KCNQ5: variants seen among roughly 807,000 people sequenced by gnomAD.
The protein encoded by KCNQ5 is potassium voltage-gated channel subfamily KQT member 5.
KCNQ5 carries 30 observed loss-of-function variants against 98.2 expected under a neutral mutation model. That is an observed-to-expected ratio of 0.31 (90% CI 0.23 to 0.41). KCNQ5 has a LOEUF of 0.41. Among genes scored for constraint, KCNQ5 ranks in the 10% least tolerant of loss-of-function variants. KCNQ5 has a pLI of 1.00. For missense variants in KCNQ5, 835 were observed against 1,182.5 expected (o/e 0.71, Z 4.31); for synonymous variants, 458 against 449.4 (o/e 1.02, Z -0.24).
At chr6:72,679,704 C>T (rs550493086) in intron 1 of KCNQ5, among the ~76,000 whole-genome samples, 10 of 151,136 alleles carry the variant, frequency 6.6e-5, no homozygotes, top group African/African-American at 2.4e-4. Flanking sequence ...ACACATGCAC[C>T]CTAAAACTTA....
chr6:72,879,843 A>AT (rs769698419), intron 1 of KCNQ5, among the ~76,000 whole-genome samples: 3 of 151,118 alleles, frequency 2.0e-5, no homozygotes, highest in Non-Finnish European at 4.4e-5. Flanking sequence ...CCATTTTCCT[A>AT]TTTTCTTTGC....
intron 1 of KCNQ5, among the ~76,000 whole-genome samples, chr6:72,691,354 T>A (rs892676502): frequency 2.0e-5 from 3 of 152,224 alleles, no homozygotes; most frequent in Non-Finnish European, 2.9e-5. Flanking sequence ...ATAATTCAAA[T>A]GAAAGAGGGT....
At chr6:73,066,106 A>G (rs1411012415) in intron 3 of KCNQ5, among the ~76,000 whole-genome samples, 1 of 152,236 alleles carries the variant, frequency 6.6e-6, no homozygotes, top group African/African-American at 2.4e-5. Context: ...AGATCATGCC[A>G]TTGCACTCCA....
intron 1 of KCNQ5, chr6:72,987,784 A>C: frequency 2.4e-6 from 1 of 424,094 alleles, no homozygotes; most frequent in Non-Finnish European, 4.5e-6. Flanking sequence ...AACTGCCACA[A>C]TTGCTTTGAT....
chr6:73,055,174 C>G, intron 3 of KCNQ5: 1 of 853,890 alleles, frequency 1.2e-6, no homozygotes, highest in Non-Finnish European at 2.0e-6. Flanking sequence ...GCGGCTGGTA[C>G]GACGCCATCC....
At chr6:73,147,169 G>A (rs1490267514) in intron 10 of KCNQ5, among the ~76,000 whole-genome samples, 1 of 152,014 alleles carries the variant, frequency 6.6e-6, no homozygotes, top group African/African-American at 2.4e-5. Context: ...CTTTAGGGTG[G>A]TAGAAATGAT....
chr6:73,055,450 C>A (rs1166828497), intron 3 of KCNQ5: 3 of 1,545,652 alleles, frequency 1.9e-6, no homozygotes, highest in Non-Finnish European at 2.7e-6. Context: ...CCTATGATGT[C>A]CCACCACCTC....
At chr6:72,926,198 G>T (rs2150223573) in intron 1 of KCNQ5, among the ~76,000 whole-genome samples, 1 of 152,138 alleles carries the variant, frequency 6.6e-6, no homozygotes, top group African/African-American at 2.4e-5. Context: ...TACCAGAGAT[G>T]GTGATAAACT....
intron 1 of KCNQ5, among the ~76,000 whole-genome samples, chr6:72,932,214 C>T (rs897822566): frequency 2.0e-5 from 3 of 151,694 alleles, no homozygotes; most frequent in Admixed American, 1.3e-4. Context: ...ATAAATCTGT[C>T]GGGTGAGTGA....
At chr6:72,624,015 T>G (rs2098916868) in intron 1 of KCNQ5, among the ~76,000 whole-genome samples, 1 of 152,156 alleles carries the variant, frequency 6.6e-6, no homozygotes, top group South Asian at 2.1e-4. Flanking sequence ...TCTGGAAAAT[T>G]TTACAGTCCC....
At chr6:73,150,835 T>TGC (rs914883506) in intron 10 of KCNQ5, among the ~76,000 whole-genome samples, 9 of 150,934 alleles carry the variant, frequency 6.0e-5, no homozygotes, top group Admixed American at 6.6e-5. Context: ...TATATATATG[T>TGC]GTGTGTGTGT....
chr6:72,897,801 G>A (rs1220656751), intron 1 of KCNQ5, among the ~76,000 whole-genome samples: 2 of 152,084 alleles, frequency 1.3e-5, no homozygotes, highest in Non-Finnish European at 1.5e-5. Flanking sequence ...TGGGGATGGG[G>A]GCCAGTGGAA....
intron 9 of KCNQ5, among the ~76,000 whole-genome samples, chr6:73,125,703 A>C (rs1775953463): frequency 6.6e-6 from 1 of 152,220 alleles, no homozygotes; most frequent in African/African-American, 2.4e-5. Flanking sequence ...AAAGATAAAC[A>C]AATGAAAACA....
chr6:72,637,512 G>A (rs1452449658), intron 1 of KCNQ5, among the ~76,000 whole-genome samples: 7 of 152,084 alleles, frequency 4.6e-5, no homozygotes, highest in African/African-American at 1.7e-4. Flanking sequence ...TCAACTAAGA[G>A]TGGTACTTCC....
intron 11 of KCNQ5, among the ~76,000 whole-genome samples, chr6:73,181,386 T>C (rs1395636962): frequency 6.6e-6 from 1 of 152,236 alleles, no homozygotes; most frequent in Non-Finnish European, 1.5e-5. Context: ...CAGATGAGTA[T>C]GTAACTTATT....
chr6:73,136,824 T>C (rs1330644451), intron 10 of KCNQ5: 1 of 151,572 alleles, frequency 6.6e-6, no homozygotes, highest in African/African-American at 2.4e-5. Context: ...AGGTTTTAAG[T>C]ATTTCTAAAA....
At chr6:72,790,137 T>C (rs1218144170) in intron 1 of KCNQ5, among the ~76,000 whole-genome samples, 2 of 152,260 alleles carry the variant, frequency 1.3e-5, no homozygotes, top group African/African-American at 4.8e-5. Flanking sequence ...GCAATGCTGT[T>C]GATGCTTAAG....
chr6:72,689,831 C>CA (rs1367570158), intron 1 of KCNQ5, among the ~76,000 whole-genome samples: 1 of 146,114 alleles, frequency 6.8e-6, no homozygotes, highest in African/African-American at 2.5e-5. Flanking sequence ...AAAAACAAAA[C>CA]AAAAACCCAT....
intron 1 of KCNQ5, among the ~76,000 whole-genome samples, chr6:72,885,660 C>T (rs184525581): frequency 2.0e-5 from 3 of 152,160 alleles, no homozygotes; most frequent in Admixed American, 6.5e-5. Context: ...AATTAAAGAG[C>T]GATTTTGAAT....
Sources: gnomAD v4.1 joint callset for allele counts (sites outside exome capture counted in the v4.1 genomes callset) on GRCh38, gnomAD v4.1.1 for gene constraint, MANE v1.5 for transcripts, NCBI Gene and HGNC (gene_info 2026-07-23, HGNC 2026-07-21) for gene names.